TAL1: variants seen among roughly 807,000 people sequenced by gnomAD.
The protein encoded by TAL1 is TAL bHLH transcription factor 1, erythroid differentiation factor, also known as T-cell acute lymphocytic leukemia protein 1.
TAL1 carries 8 observed loss-of-function variants against 17.9 expected under a neutral mutation model. That is an observed-to-expected ratio of 0.45 (90% CI 0.26 to 0.81). The LOEUF (loss-of-function observed/expected upper bound fraction) is 0.81. TAL1 is among the 30% of genes least tolerant of loss of function. The pLI is 0.17. For synonymous variants in TAL1, 223 were observed against 218.6 expected, an observed-to-expected ratio of 1.02 and a Z score of -0.18; for missense variants, 466 against 486.9, an observed-to-expected ratio of 0.96 and a Z score of 0.40.
exon 4 of TAL1, chr1:47,217,348 C>G (rs1645516158): frequency 2.5e-6 from 1 of 394,944 alleles, no homozygotes; most frequent in Admixed American, 4.4e-5. Flanking sequence ...GATGGCACCA[C>G]TGTACTCCAG....
At chr1:47,225,459 G>A (rs1643892427) in exon 2 of TAL1, 4 of 1,231,992 alleles carry the variant, frequency 3.2e-6, no homozygotes, top group Admixed American at 4.2e-5. Flanking sequence ...AGAGAGGCCA[G>A]CGGCTGGCTG....
At chr1:47,219,996 G>C in exon 4 of TAL1, 1 of 1,599,748 alleles carries the variant, frequency 6.3e-7, no homozygotes, top group Non-Finnish European at 8.5e-7. Context: ...TGAGCAGCTT[G>C]GCCAAGAAGT....
chr1:47,226,465 C>G (rs1399960224), intron 1 of TAL1, among the ~76,000 whole-genome samples: 1 of 152,092 alleles, frequency 6.6e-6, no homozygotes, highest in Admixed American at 6.5e-5. Context: ...GTGGAGGCTA[C>G]GGGGACTGGG....
intron 1 of TAL1, chr1:47,226,260 C>G: frequency 4.3e-6 from 1 of 230,084 alleles, no homozygotes; most frequent in South Asian, 1.3e-4. Context: ...AAAGAGATTA[C>G]TCTGTCCCCT....
chr1:47,222,239 G>A (rs1262243490), intron 3 of TAL1, among the ~76,000 whole-genome samples: 2 of 152,224 alleles, frequency 1.3e-5, no homozygotes, highest in African/African-American at 2.4e-5. Flanking sequence ...ACATCCAGAA[G>A]GGGAGATGGT....
chr1:47,225,362 G>C (rs975105498), intron 2 of TAL1, 81 bp downstream of exon 3: 22 of 1,187,184 alleles, frequency 1.9e-5, no homozygotes, highest in Non-Finnish European at 2.3e-5. Context: ...GGCCGCCGCC[G>C]ATGTGTAGAA....
exon 2 of TAL1, chr1:47,225,494 G>T: frequency 8.1e-7 from 1 of 1,235,450 alleles, no homozygotes; most frequent in Non-Finnish European, 1.0e-6. Flanking sequence ...CGCGCGGCCG[G>T]GGGCGGCGGG....
chr1:47,221,386 T>C (rs1014796784), intron 3 of TAL1, among the ~76,000 whole-genome samples: 40 of 152,184 alleles, frequency 2.6e-4, no homozygotes, highest in African/African-American at 9.7e-4. Flanking sequence ...TAACATTCCA[T>C]GTATAAAGAC....
At chr1:47,224,251 C>G in intron 2 of TAL1, 153 bp from the exon 4 acceptor site, 1 of 632,484 alleles carries the variant, frequency 1.6e-6, no homozygotes, top group Non-Finnish European at 2.8e-6. Context: ...CACACAGACA[C>G]ACACACACAC....
At chr1:47,228,069 A>G (rs1643939546) in intron 1 of TAL1, 1 of 153,158 alleles carries the variant, frequency 6.5e-6, no homozygotes, top group African/African-American at 2.4e-5. Context: ...CTGAGAGGCA[A>G]TGGGAGTACA....
upstream of TAL1, chr1:47,230,517 GT>G (rs1376930625): frequency 6.6e-6 from 1 of 152,126 alleles, no homozygotes; most frequent in Non-Finnish European, 1.5e-5. Context: ...CATTCCCGGC[GT>G]GTTCGCGGGG....
At chr1:47,218,177 G>A (rs1219235410) in exon 4 of TAL1, 15 of 237,274 alleles carry the variant, frequency 6.3e-5, no homozygotes, top group African/African-American at 3.1e-4. Context: ...CTCTGACCTC[G>A]AAGGCAGAGC....
chr1:47,231,996 G>A (rs1569942716), upstream of TAL1, among the ~76,000 whole-genome samples: 1 of 152,152 alleles, frequency 6.6e-6, no homozygotes, highest in Admixed American at 6.5e-5. Flanking sequence ...CGGGGCGGGG[G>A]CGTCCGTGGA....
At chr1:47,225,480 G>A in exon 2 of TAL1, 9 of 1,235,524 alleles carry the variant, frequency 7.3e-6, no homozygotes, top group Non-Finnish European at 9.1e-6. Flanking sequence ...AGGCTGTAGA[G>A]CAGCGCGCGG....
chr1:47,223,908 G>T, intron 3 of TAL1, 96 bp downstream of exon 4: 2 of 1,234,494 alleles, frequency 1.6e-6, no homozygotes, highest in Non-Finnish European at 2.3e-6. Context: ...GCCCATCTTT[G>T]TGAGATACCT....
chr1:47,219,840 G>A, exon 4 of TAL1: 2 of 1,600,988 alleles, frequency 1.2e-6, no homozygotes, highest in Non-Finnish European at 1.7e-6. Context: ...CCAGGGAGCT[G>A]CCGCAGCTGG....
At chr1:47,224,541 G>A (rs893378777) in intron 2 of TAL1, among the ~76,000 whole-genome samples, 1 of 151,962 alleles carries the variant, frequency 6.6e-6, no homozygotes, top group Non-Finnish European at 1.5e-5. Flanking sequence ...CTTCACACCT[G>A]ATGGTGTGCA....
intron 3 of TAL1, among the ~76,000 whole-genome samples, chr1:47,222,107 G>A (rs888490244): frequency 7.9e-5 from 12 of 152,260 alleles, no homozygotes; most frequent in African/African-American, 2.7e-4. Context: ...CAGACAGAGA[G>A]CATCCCTCAG....
intron 3 of TAL1, among the ~76,000 whole-genome samples, chr1:47,221,782 C>A (rs1643815731): frequency 6.6e-6 from 1 of 152,200 alleles, no homozygotes; most frequent in Admixed American, 6.5e-5. Flanking sequence ...GCAGACCTCA[C>A]CTCAGTGGTC....
Sources: gnomAD v4.1 joint callset for allele counts (sites outside exome capture counted in the v4.1 genomes callset) on GRCh38, gnomAD v4.1.1 for gene constraint, MANE v1.5 for transcripts, NCBI Gene and HGNC (gene_info 2026-07-23, HGNC 2026-07-21) for gene names.